Variants in TTLL5 observed in about 807,000 individuals in gnomAD.
The protein encoded by TTLL5 is tubulin polyglutamylase TTLL5.
A neutral mutation model predicts 168.4 loss-of-function variants in TTLL5; 132 were observed. The ratio of observed to expected loss-of-function variants is 0.78; its 90% CI spans 0.68 to 0.91. The LOEUF is 0.91. Among genes scored for constraint, TTLL5 ranks in the 40% least tolerant of loss-of-function variants. TTLL5 has a pLI of 0.00. For synonymous variants in TTLL5, 546 were observed against 558.6 expected, an observed-to-expected ratio of 0.98 and a Z score of 0.32; for missense variants, 1,545 against 1,581.5, an observed-to-expected ratio of 0.98 and a Z score of 0.39.
chr14:75,864,758 CT>C (rs2030366957), intron 29 of TTLL5, among the ~76,000 whole-genome samples: 1 of 152,056 alleles, frequency 6.6e-6, no homozygotes. Context: ...GAAGAAATAA[CT>C]TTTTATCAGT....
chr14:75,877,681 A>G (rs1363632776), intron 29 of TTLL5, among the ~76,000 whole-genome samples: 1 of 152,364 alleles, frequency 6.6e-6, no homozygotes, highest in East Asian at 1.9e-4. Context: ...TTAATATTGT[A>G]TATCGAAACC....
At chr14:75,839,861 C>T (rs1896126110) in intron 28 of TTLL5, among the ~76,000 whole-genome samples, 1 of 152,156 alleles carries the variant, frequency 6.6e-6, no homozygotes, top group Non-Finnish European at 1.5e-5. Context: ...ATTTGTGTAT[C>T]TTCTTTGGAG....
intron 28 of TTLL5, among the ~76,000 whole-genome samples, chr14:75,837,843 A>G (rs970888746): frequency 2.6e-5 from 4 of 152,068 alleles, no homozygotes; most frequent in Admixed American, 6.5e-5. Flanking sequence ...ATCTAGATAT[A>G]TGTGTGTGTG....
At chr14:75,790,381 A>G (rs906026377) in intron 26 of TTLL5, among the ~76,000 whole-genome samples, 5 of 152,192 alleles carry the variant, frequency 3.3e-5, no homozygotes, top group African/African-American at 7.2e-5. Flanking sequence ...TTAATCAGGT[A>G]CATGAAGACT....
At chr14:75,857,170 T>C (rs1038079824) in intron 28 of TTLL5, among the ~76,000 whole-genome samples, 4 of 152,242 alleles carry the variant, frequency 2.6e-5, no homozygotes, top group African/African-American at 9.6e-5. Context: ...AGAAATGTTT[T>C]CTAGTTTACT....
At position 75,732,321 on chromosome 14, in the gene TTLL5, T is replaced by A; in HGVS notation, c.1043-17T>A. 6.8e-6 allele frequency: 11 copies of A among 1,609,566 alleles called. No homozygotes were observed. Among genetic ancestry groups the A allele is most frequent in the Non-Finnish European group, 9.3e-6 (11 of 1,176,532 alleles). On this transcript the variant is annotated splice_polypyrimidine_tract_variant and intron_variant, in intron 12 of 31. Coordinates refer to ENST00000298832, the MANE Select transcript of TTLL5 (RefSeq NM_015072.5). ...ATGGAAAATGATCTTGTGTATTGTG[T>A]TGTGTTGTATTTCTAGAACTCTATG...
At chr14:75,675,040 A>C (rs1033795328) in intron 3 of TTLL5, among the ~76,000 whole-genome samples, 2 of 152,148 alleles carry the variant, frequency 1.3e-5, no homozygotes, top group Non-Finnish European at 2.9e-5. Flanking sequence ...ATAGTTTAAA[A>C]AGTAAATTCA....
At chr14:75,755,975 A>ATCCCCCCCCCCCCCCCCCCCCCCCCC (rs1555343042) in intron 18 of TTLL5, among the ~76,000 whole-genome samples, 1 of 111,954 alleles carries the variant, frequency 8.9e-6, no homozygotes, top group African/African-American at 3.3e-5. Context: ...TGTCCTGGCC[A>ATCCCCCCCCCCCCCCCCCCCCCCCCC]CCCCCCCACC....
chr14:75,702,284 C>G (rs1200423309), intron 7 of TTLL5, among the ~76,000 whole-genome samples: 2 of 152,230 alleles, frequency 1.3e-5, no homozygotes, highest in Non-Finnish European at 2.9e-5. Context: ...TCTGTCTCCT[C>G]TTGTCTCTGC....
At chr14:75,691,131 T>TA (rs1008983309) in intron 6 of TTLL5, among the ~76,000 whole-genome samples, 29 of 151,336 alleles carry the variant, frequency 1.9e-4, no homozygotes, top group East Asian at 5.8e-4. Flanking sequence ...TTCAGACTAA[T>TA]AAAAAAAAAT....
At position 75,735,177 on chromosome 14, in the gene TTLL5, T is replaced by A; in HGVS notation, c.1187-18T>A. The A allele has an allele frequency of 1.9e-6, 3 of 1,613,360 alleles. No individual in the cohort carries two copies. The highest frequency in any genetic ancestry group is 2.5e-6 in the Non-Finnish European group (3 of 1,179,250). ...CTTAGAAAATGGCAGGTTTTAATGT[T>A]GCCCATTCCCCATTCAGGATTTGTG... On this transcript the variant is annotated intron_variant, in intron 14 of 31. Transcript: ENST00000298832.
At chr14:75,749,649 A>T (rs1039644703) in intron 17 of TTLL5, among the ~76,000 whole-genome samples, 3 of 151,926 alleles carry the variant, frequency 2.0e-5, no homozygotes, top group Admixed American at 6.6e-5. Flanking sequence ...TTTTCTGTTT[A>T]TTTTTCCTAA....
intron 28 of TTLL5, among the ~76,000 whole-genome samples, chr14:75,844,651 G>C (rs1896450596): frequency 6.6e-6 from 1 of 152,176 alleles, no homozygotes; most frequent in Non-Finnish European, 1.5e-5. Context: ...CATATAAAGA[G>C]CTCAGTTGGG....
At chr14:75,946,249 A>G (rs1220641613) in intron 31 of TTLL5, among the ~76,000 whole-genome samples, 1 of 152,252 alleles carries the variant, frequency 6.6e-6, no homozygotes, top group African/African-American at 2.4e-5. Flanking sequence ...ACTCAAGGAG[A>G]GCAGATGTTC....
chr14:75,733,429 C>G (rs1264245538), intron 13 of TTLL5, among the ~76,000 whole-genome samples: 1 of 151,782 alleles, frequency 6.6e-6, no homozygotes, highest in African/African-American at 2.4e-5. Context: ...TCCCGCCCAT[C>G]TGGTGAGATT....
chr14:75,924,857 C>T (rs74904826), intron 31 of TTLL5, among the ~76,000 whole-genome samples: 88,211 of 134,590 alleles, frequency 0.66, 29,223 homozygotes, highest in Admixed American at 0.76. Flanking sequence ...CCAGTAGGGG[C>T]GGCCGGGCAG....
intron 31 of TTLL5, among the ~76,000 whole-genome samples, chr14:75,948,078 G>A (rs1197629163): frequency 6.6e-6 from 1 of 152,162 alleles, no homozygotes; most frequent in Admixed American, 6.5e-5. Context: ...AAACTACGTA[G>A]TAGGCCTTAA....
chr14:75,755,277 ATAAT>A (rs758765706), intron 18 of TTLL5, among the ~76,000 whole-genome samples: 2 of 147,986 alleles, frequency 1.4e-5, no homozygotes, highest in Non-Finnish European at 1.5e-5. Context: ...AAAAATAATA[ATAAT>A]AATAATAATA....
intron 18 of TTLL5, among the ~76,000 whole-genome samples, chr14:75,753,636 C>T (rs1890085498): frequency 6.6e-6 from 1 of 152,182 alleles, no homozygotes; most frequent in Non-Finnish European, 1.5e-5. Flanking sequence ...TAACCATCTG[C>T]AATTTCATGA....
Sources: gnomAD v4.1 joint callset for allele counts (sites outside exome capture counted in the v4.1 genomes callset) on GRCh38, gnomAD v4.1.1 for gene constraint, MANE v1.5 for transcripts, NCBI Gene and HGNC (gene_info 2026-07-23, HGNC 2026-07-21) for gene names.